Variants in TWSG1 observed in about 807,000 individuals in gnomAD.
TWSG1 encodes twisted gastrulation BMP signaling modulator 1, also known as twisted gastrulation protein homolog 1.
Under a neutral mutation model 23.0 loss-of-function variants are expected in TWSG1, and 15 were observed. The ratio of observed to expected loss-of-function variants is 0.65; its 90% CI spans 0.44 to 1.00. The LOEUF (loss-of-function observed/expected upper bound fraction) is 1.00. Among genes scored for constraint, TWSG1 ranks in the 50% least tolerant of loss-of-function variants. TWSG1 has a pLI of 0.00. For synonymous variants in TWSG1, 86 were observed against 92.8 expected, an observed-to-expected ratio of 0.93 and a Z score of 0.42; for missense variants, 242 against 278.7, an observed-to-expected ratio of 0.87 and a Z score of 0.94.
At position 9,369,810 on chromosome 18, in the gene TWSG1, C is replaced by T. The variant is rs151171268; in HGVS notation, c.223+9739C>T. On this transcript the variant is annotated intron_variant, in intron 3 of 4. Coordinates refer to ENST00000262120, the MANE Select transcript of TWSG1 (RefSeq NM_020648.6). ...CCTCCCAAAGCATTGGGATTACAGG[C>T]GTGAGCCACCATGCCCAGCCCCCTG... Among the ~76,000 whole-genome samples the T allele has an allele frequency of 3.8e-3, 574 of 152,276 alleles. 1 individual carries two copies. Among genetic ancestry groups the T allele is most frequent in the African/African-American group, 0.013 (533 of 41,570 alleles).
In TWSG1 at chr18:9,389,525, G is replaced by T. The variant is rs541210183; in HGVS notation, c.224-6755G>T. ...CTTCTTTTTATGAATAAAGGGATCA[G>T]ATTTGATCATTTAATCCATGATCCT... On this transcript the variant is annotated intron_variant, in intron 3 of 4. Transcript: ENST00000262120. Among the ~76,000 whole-genome samples the T allele has an allele frequency of 3.5e-4, 53 of 152,236 alleles. No homozygotes were observed. In the South Asian group the frequency reaches 8.9e-3, roughly 26 times the overall value.
chr18:9,381,248 T>C (rs2145624679), intron 3 of TWSG1, among the ~76,000 whole-genome samples: 2 of 152,370 alleles, frequency 1.3e-5, no homozygotes, highest in Middle Eastern at 6.8e-3. Flanking sequence ...ATATAGCTAC[T>C]ATGGCTAGTC....
intron 3 of TWSG1, among the ~76,000 whole-genome samples, chr18:9,376,658 G>A (rs2040631687): frequency 6.6e-6 from 1 of 151,670 alleles, no homozygotes; most frequent in Non-Finnish European, 1.5e-5. Context: ...CCTAGGTAAT[G>A]TGATCTCTTC....
At position 9,345,553 on chromosome 18, in the gene TWSG1, A is replaced by G. The variant is rs547522053; in HGVS notation, c.123+8201A>G. On this transcript the variant is annotated intron_variant, in intron 2 of 4. Transcript: ENST00000262120. ...CTGAGTTATATTGCCACCCTTGTTCAAAACCATTTCACCATAAACGGTTTA... is the reference window on the plus strand; with the variant it reads ...CTGAGTTATATTGCCACCCTTGTTCGAAACCATTTCACCATAAACGGTTTA... 7.4e-4 allele frequency among the ~76,000 whole-genome samples: 113 copies of G among 152,288 alleles called. 2 individuals are homozygous for G. The South Asian group carries it at 0.022, about 30-fold the overall frequency.
At chr18:9,335,221 C>T (rs1181366179) in intron 1 of TWSG1, among the ~76,000 whole-genome samples, 1 of 152,152 alleles carries the variant, frequency 6.6e-6, no homozygotes, top group Non-Finnish European at 1.5e-5. Flanking sequence ...GGTGCCCGGT[C>T]CCCCACACCG....
intron 2 of TWSG1, among the ~76,000 whole-genome samples, chr18:9,353,831 G>C (rs1292279311): frequency 6.6e-6 from 1 of 152,184 alleles, no homozygotes; most frequent in Non-Finnish European, 1.5e-5. Context: ...AGAAGATATA[G>C]TCATTAACCA....
At chr18:9,363,714 C>G (rs1353034683) in intron 3 of TWSG1, among the ~76,000 whole-genome samples, 1 of 152,202 alleles carries the variant, frequency 6.6e-6, no homozygotes, top group African/African-American at 2.4e-5. Context: ...CAACCTCCAC[C>G]TCCTGAGTTC....
At chr18:9,337,055 CAG>C (rs2040426436) in intron 1 of TWSG1, 136 bp from the exon 2 acceptor site, 1 of 688,770 alleles carries the variant, frequency 1.5e-6, no homozygotes, top group African/African-American at 1.8e-5. Context: ...GCCTGGGCAA[CAG>C]AGCAAGACTC....
chr18:9,385,158 C>A (rs2040676276), intron 3 of TWSG1, among the ~76,000 whole-genome samples: 1 of 152,138 alleles, frequency 6.6e-6, no homozygotes, highest in Non-Finnish European at 1.5e-5. Context: ...GATTTGATAA[C>A]CAATTCCCTC....
At chr18:9,368,679 G>A (rs915255749) in intron 3 of TWSG1, among the ~76,000 whole-genome samples, 2 of 152,226 alleles carry the variant, frequency 1.3e-5, no homozygotes, top group African/African-American at 2.4e-5. Context: ...TGGGCACGGC[G>A]GCTCATGCCT....
chr18:9,386,617 G>A lies in TWSG1; in HGVS notation c.224-9663G>A, dbSNP rs759269446. On this transcript the variant is annotated intron_variant, in intron 3 of 4. Transcript: ENST00000262120. ...AAAAGGAAGGAGGGAAGAAATTATC[G>A]AATAGTAGAAGAAAAATTACCAAAG... Among the ~76,000 whole-genome samples the A allele has an allele frequency of 2.7e-5, 4 of 150,896 alleles. No homozygotes were observed. In the East Asian group the frequency reaches 7.8e-4, roughly 29 times the overall value.
At chr18:9,383,743 G>A (rs2040669913) in intron 3 of TWSG1, among the ~76,000 whole-genome samples, 3 of 152,172 alleles carry the variant, frequency 2.0e-5, no homozygotes, top group Admixed American at 2.0e-4. Flanking sequence ...GTTGACCTAT[G>A]AGGTAGGTAA....
chr18:9,343,759 A>G (rs1333058968), intron 2 of TWSG1, among the ~76,000 whole-genome samples: 2 of 152,240 alleles, frequency 1.3e-5, no homozygotes, highest in Non-Finnish European at 2.9e-5. Context: ...TTGGTCAAAT[A>G]ATATTCTGCT....
intron 2 of TWSG1, among the ~76,000 whole-genome samples, chr18:9,351,041 ATACT>A (rs1374753916): frequency 3.3e-5 from 5 of 152,158 alleles, no homozygotes; most frequent in Non-Finnish European, 7.4e-5. Context: ...ATGCAAGTAA[ATACT>A]TAATTAGATT....
At chr18:9,382,620 A>C (rs1022935385) in intron 3 of TWSG1, among the ~76,000 whole-genome samples, 5 of 151,972 alleles carry the variant, frequency 3.3e-5, no homozygotes, top group African/African-American at 1.2e-4. Flanking sequence ...TCGCCTGGCC[A>C]ACATGGTGAA....
chr18:9,338,802 C>T (rs1231290830), intron 2 of TWSG1, among the ~76,000 whole-genome samples: 1 of 152,206 alleles, frequency 6.6e-6, no homozygotes, highest in Non-Finnish European at 1.5e-5. Flanking sequence ...AATAAAGTCT[C>T]ATAACATTTG....
chr18:9,368,354 C>T (rs542489844), intron 3 of TWSG1, among the ~76,000 whole-genome samples: 21 of 152,284 alleles, frequency 1.4e-4, no homozygotes, highest in South Asian at 1.0e-3. Context: ...GTGCCTGCCA[C>T]CATGCCTGGC....
chr18:9,371,242 G>A (rs568255660), intron 3 of TWSG1, among the ~76,000 whole-genome samples: 5 of 151,582 alleles, frequency 3.3e-5, no homozygotes, highest in African/African-American at 1.2e-4. Context: ...GACCTTAAAT[G>A]TGAGTCTCAG....
intron 2 of TWSG1, among the ~76,000 whole-genome samples, chr18:9,353,344 A>G (rs1366979322): frequency 6.6e-6 from 1 of 152,234 alleles, no homozygotes; most frequent in Non-Finnish European, 1.5e-5. Flanking sequence ...TCTCTGTCAT[A>G]TTGAAGGTTT....
Sources: gnomAD v4.1 joint callset for allele counts (sites outside exome capture counted in the v4.1 genomes callset) on GRCh38, gnomAD v4.1.1 for gene constraint, MANE v1.5 for transcripts, NCBI Gene and HGNC (gene_info 2026-07-23, HGNC 2026-07-21) for gene names.